Variants in DPYD observed in about 807,000 individuals in gnomAD.
The protein encoded by DPYD is dihydropyrimidine dehydrogenase [NADP(+)].
In DPYD, 109 loss-of-function variants were observed where a neutral mutation model predicts 116.2. That is an observed-to-expected ratio of 0.94 (90% CI 0.80 to 1.10). The LOEUF is 1.10. DPYD is among the 50% of genes least tolerant of loss of function. DPYD has a pLI of 0.00. For synonymous variants in DPYD, 440 were observed against 432.0 expected (o/e 1.02, Z -0.23); for missense variants, 1,302 against 1,254.5 (o/e 1.04, Z -0.57).
intron 20 of DPYD, among the ~76,000 whole-genome samples, chr1:97,157,868 A>G (rs983043337): frequency 2.6e-5 from 4 of 152,120 alleles, no homozygotes; most frequent in Admixed American, 6.6e-5. Flanking sequence ...TATTTTCCAG[A>G]TGTGGCTTGA....
intron 13 of DPYD, among the ~76,000 whole-genome samples, chr1:97,477,356 T>C (rs887236776): frequency 2.4e-4 from 37 of 152,338 alleles, no homozygotes; most frequent in African/African-American, 8.4e-4. Context: ...GTCACATCTT[T>C]AGGCTTCACT....
At chr1:97,437,555 T>C (rs7516433) in intron 14 of DPYD, among the ~76,000 whole-genome samples, 57,088 of 151,580 alleles carry the variant, frequency 0.38, 11,286 homozygotes, top group East Asian at 0.66. Flanking sequence ...TGTTTTGTTT[T>C]CTCTTGGGTA....
intron 8 of DPYD, among the ~76,000 whole-genome samples, chr1:97,617,892 A>T (rs192941682): frequency 3.8e-4 from 58 of 152,298 alleles, no homozygotes; most frequent in Non-Finnish European, 6.0e-4. Flanking sequence ...AAATAAGGAG[A>T]AACTTTTATG....
chr1:97,908,677 T>G (rs1198715021), intron 1 of DPYD, among the ~76,000 whole-genome samples: 1 of 152,066 alleles, frequency 6.6e-6, no homozygotes. Context: ...GCACTATCTC[T>G]AAAAGCTTTA....
chr1:97,376,887 G>GTATATATATATATATATATATATATA (rs1553166538), intron 15 of DPYD, among the ~76,000 whole-genome samples: 2 of 128,444 alleles, frequency 1.6e-5, no homozygotes, highest in Admixed American at 8.2e-5. Context: ...GTGTGTGTGT[G>GTATATATATATATATATATATATATA]TATATATATA....
intron 2 of DPYD, among the ~76,000 whole-genome samples, chr1:97,847,748 T>C (rs1475743215): frequency 6.6e-6 from 1 of 152,086 alleles, no homozygotes; most frequent in Non-Finnish European, 1.5e-5. Flanking sequence ...CTATATACAT[T>C]GTAGGGGTGG....
At chr1:97,546,319 C>T (rs1403518882) in intron 12 of DPYD, 21 of 1,431,294 alleles carry the variant, frequency 1.5e-5, no homozygotes, top group Non-Finnish European at 2.1e-5. Flanking sequence ...GTCAAAGCAA[C>T]AGAAACAAAA....
At chr1:97,158,417 A>G (rs190748383) in intron 20 of DPYD, among the ~76,000 whole-genome samples, 5 of 149,580 alleles carry the variant, frequency 3.3e-5, no homozygotes, top group Non-Finnish European at 1.5e-5. Context: ...GAAGATTTCA[A>G]CTTCTGGTAA....
chr1:97,097,722 C>G (rs1188294533), intron 21 of DPYD, among the ~76,000 whole-genome samples: 1 of 152,002 alleles, frequency 6.6e-6, no homozygotes, highest in Non-Finnish European at 1.5e-5. Flanking sequence ...CCATACATGA[C>G]AAAATTGTAC....
At chr1:97,269,153 T>C (rs1227958414) in intron 18 of DPYD, among the ~76,000 whole-genome samples, 2 of 152,206 alleles carry the variant, frequency 1.3e-5, no homozygotes, top group Admixed American at 6.5e-5. Context: ...ACCACATTTT[T>C]TTTTGCAACT....
chr1:97,893,403 T>G lies in DPYD; in HGVS notation c.40-10029A>C, dbSNP rs182464027. 1.5e-3 allele frequency among the ~76,000 whole-genome samples: 182 copies of G among 119,726 alleles called. 1 individual carries two copies. Among genetic ancestry groups the G allele is most frequent in the Non-Finnish European group, 2.3e-3 (138 of 59,666 alleles). 78.5% of individuals were successfully genotyped at this position (119,726 alleles called of 152,430 possible). A position where few individuals can be genotyped will look rare whatever the true frequency, so the allele number is the denominator to read the frequency against. On this transcript the variant is annotated intron_variant, in intron 1 of 22. Coordinates refer to ENST00000370192, the MANE Select transcript of DPYD (RefSeq NM_000110.4). ...TGGCAGTGTGGAAGGGTCATGAAAT[T>G]CAAAAACAGATTTTAATATCCATCG...
At chr1:97,828,850 G>T (rs1035696416) in intron 2 of DPYD, among the ~76,000 whole-genome samples, 1 of 151,886 alleles carries the variant, frequency 6.6e-6, no homozygotes, top group Non-Finnish European at 1.5e-5. Flanking sequence ...TTAAGATTGA[G>T]TAAATATGAC....
At chr1:97,751,460 GTATATATATATA>G (rs1553233231) in intron 3 of DPYD, among the ~76,000 whole-genome samples, 13 of 21,292 alleles carry the variant, frequency 6.1e-4, no homozygotes, top group East Asian at 3.5e-3. Context: ...GTGTGTGTGT[GTATATATATATA>G]TATATATATA....
chr1:97,671,206 T>C (rs1312473974), intron 8 of DPYD, among the ~76,000 whole-genome samples: 1 of 150,142 alleles, frequency 6.7e-6, no homozygotes, highest in East Asian at 1.9e-4. Flanking sequence ...TAATAATTAA[T>C]CAATACTTCA....
chr1:97,638,895 C>A (rs1054278530), intron 8 of DPYD, among the ~76,000 whole-genome samples: 7 of 152,178 alleles, frequency 4.6e-5, no homozygotes, highest in Admixed American at 4.6e-4. Context: ...CCACTAAGCC[C>A]CAACTCTAAC....
At chr1:97,776,832 G>T (rs952818310) in intron 3 of DPYD, among the ~76,000 whole-genome samples, 2 of 152,124 alleles carry the variant, frequency 1.3e-5, no homozygotes, top group African/African-American at 4.8e-5. Flanking sequence ...TTTTCTTATG[G>T]AAATTCTTTT....
chr1:97,592,609 C>T (rs766810124), intron 10 of DPYD, among the ~76,000 whole-genome samples: 42 of 152,172 alleles, frequency 2.8e-4, no homozygotes, highest in Non-Finnish European at 8.8e-5. Context: ...CCTTGTGATC[C>T]GCCGGCCTCA....
chr1:97,855,743 T>C (rs1034237772), intron 2 of DPYD: 8 of 152,172 alleles, frequency 5.3e-5, no homozygotes, highest in Non-Finnish European at 8.8e-5. Context: ...TCAGACAGCA[T>C]TGAAAGACAC....
At chr1:97,231,755 A>G (rs1370804489) in intron 19 of DPYD, among the ~76,000 whole-genome samples, 2 of 152,164 alleles carry the variant, frequency 1.3e-5, no homozygotes, top group East Asian at 3.9e-4. Context: ...TTCACTCTCA[A>G]GTAGGTTGTG....
Sources: gnomAD v4.1 joint callset for allele counts (sites outside exome capture counted in the v4.1 genomes callset) on GRCh38, gnomAD v4.1.1 for gene constraint, MANE v1.5 for transcripts, NCBI Gene and HGNC (gene_info 2026-07-23, HGNC 2026-07-21) for gene names.